Variants in SGCZ observed in about 807,000 individuals in gnomAD.
The protein encoded by SGCZ is sarcoglycan zeta.
Under a neutral mutation model 41.3 loss-of-function variants are expected in SGCZ, and 40 were observed. The observed-to-expected ratio is 0.97, with a 90% CI of 0.75 to 1.26. The LOEUF is 1.26. Among genes scored for constraint, SGCZ ranks in the 50% most tolerant of loss-of-function variants. The pLI is 0.00. For synonymous variants in SGCZ, 206 were observed against 137.5 expected, an observed-to-expected ratio of 1.50 and a Z score of -3.49; for missense variants, 552 against 369.8, an observed-to-expected ratio of 1.49 and a Z score of -4.04.
chr8:14,908,534 G>T (rs932947041), intron 1 of SGCZ, among the ~76,000 whole-genome samples: 1 of 152,038 alleles, frequency 6.6e-6, no homozygotes, highest in Admixed American at 6.6e-5. Flanking sequence ...GGAGGATCAC[G>T]AGATCAGCAG....
chr8:14,444,847 T>G (rs533035303), intron 2 of SGCZ, among the ~76,000 whole-genome samples: 1 of 152,152 alleles, frequency 6.6e-6, no homozygotes, highest in East Asian at 1.9e-4. Context: ...TGAAGCCAGC[T>G]CTTAGATCAA....
At chr8:14,546,428 T>G (rs112638331) in intron 2 of SGCZ, among the ~76,000 whole-genome samples, 2,169 of 152,326 alleles carry the variant, frequency 0.014, 30 homozygotes, top group South Asian at 0.032. Flanking sequence ...GTGCGAAGAC[T>G]AAACTGCAAT....
At chr8:15,192,590 G>A (rs1015271219) in intron 1 of SGCZ, among the ~76,000 whole-genome samples, 12 of 152,182 alleles carry the variant, frequency 7.9e-5, no homozygotes, top group South Asian at 2.1e-4. Context: ...AGCCACTAAC[G>A]ACTAATCCAA....
intron 1 of SGCZ, among the ~76,000 whole-genome samples, chr8:15,024,852 C>T (rs528167536): frequency 6.6e-6 from 1 of 152,148 alleles, no homozygotes; most frequent in Admixed American, 6.5e-5. Context: ...AGGAGAATGG[C>T]GTGAACCCCG....
intron 2 of SGCZ, among the ~76,000 whole-genome samples, chr8:14,476,623 G>A (rs1397041562): frequency 2.6e-5 from 4 of 152,194 alleles, no homozygotes; most frequent in African/African-American, 9.6e-5. Context: ...TAAGATTAAT[G>A]ATTCATTTAT....
chr8:14,814,950 A>C (rs966694890), intron 1 of SGCZ, among the ~76,000 whole-genome samples: 8 of 152,054 alleles, frequency 5.3e-5, no homozygotes, highest in Non-Finnish European at 1.2e-4. Context: ...ATAGGACATT[A>C]AAAAAAGAAA....
intron 1 of SGCZ, among the ~76,000 whole-genome samples, chr8:15,228,669 T>C (rs2117201664): frequency 6.6e-6 from 1 of 152,264 alleles, no homozygotes; most frequent in Non-Finnish European, 1.5e-5. Flanking sequence ...AGGCCAAATT[T>C]GAGAGCAATA....
At chr8:15,087,473 T>A (rs1234472107) in intron 1 of SGCZ, among the ~76,000 whole-genome samples, 2 of 152,104 alleles carry the variant, frequency 1.3e-5, no homozygotes, top group Admixed American at 6.6e-5. Context: ...CACGTTGGTT[T>A]TGGCACGTTT....
chr8:15,012,927 G>C (rs992131708), intron 1 of SGCZ, among the ~76,000 whole-genome samples: 3 of 151,406 alleles, frequency 2.0e-5, no homozygotes, highest in African/African-American at 4.9e-5. Flanking sequence ...TCATGTACTG[G>C]TGAATGATCA....
intron 4 of SGCZ, among the ~76,000 whole-genome samples, chr8:14,173,290 C>T (rs1804444925): frequency 6.6e-6 from 1 of 151,656 alleles, no homozygotes. Flanking sequence ...CCCAGATTTG[C>T]TCCATATGCT....
rs1011924319 is a variant in SGCZ at position 14,243,598 on chromosome 8, C to G, written c.337-5919G>C. On this transcript the variant is annotated intron_variant, in intron 3 of 7. Transcript: ENST00000382080. ...ACCCAATTCTACTTTTCTATCTCTA[C>G]TTCACCTCACTTCCGTCATTTAAGA... Among the ~76,000 whole-genome samples, 11 of 152,174 alleles carry G rather than the reference C, an allele frequency of 7.2e-5. No homozygotes were observed. The East Asian group carries it at 9.6e-4, about 13-fold the overall frequency.
At chr8:15,041,367 G>A (rs1255343629) in intron 1 of SGCZ, among the ~76,000 whole-genome samples, 1 of 151,694 alleles carries the variant, frequency 6.6e-6, no homozygotes, top group African/African-American at 2.4e-5. Context: ...TCATAATATA[G>A]AATGCATTTT....
At chr8:14,430,617 C>A (rs1799917523) in intron 2 of SGCZ, among the ~76,000 whole-genome samples, 1 of 152,198 alleles carries the variant, frequency 6.6e-6, no homozygotes, top group Admixed American at 6.5e-5. Flanking sequence ...TGAAAACGTT[C>A]CCTCTGAGAA....
At chr8:14,818,896 A>G (rs975005140) in intron 1 of SGCZ, among the ~76,000 whole-genome samples, 3 of 152,092 alleles carry the variant, frequency 2.0e-5, no homozygotes, top group Non-Finnish European at 2.9e-5. Context: ...AAGAAAGCCT[A>G]TGGGACTTAT....
chr8:14,670,063 C>G lies in SGCZ; in HGVS notation c.40-115137G>C, dbSNP rs371263907. ...CAGCTGTAATGATTTGTCAAAAAAT[C>G]AAATCTATCCTTAAATTCAACTCCA... On this transcript the variant is annotated intron_variant, in intron 1 of 7. Transcript: ENST00000382080. 2.0e-5 allele frequency among the ~76,000 whole-genome samples: 3 copies of G among 152,096 alleles called. No individual in the cohort carries two copies. In the East Asian group the frequency reaches 5.8e-4, roughly 29 times the overall value.
chr8:14,431,691 C>T (rs1312549425), intron 2 of SGCZ, among the ~76,000 whole-genome samples: 2 of 152,094 alleles, frequency 1.3e-5, no homozygotes, highest in Non-Finnish European at 2.9e-5. Context: ...ATAGCTGGGA[C>T]TTAATTAAAT....
chr8:14,410,206 C>G (rs372311270), intron 2 of SGCZ, among the ~76,000 whole-genome samples: 3 of 152,000 alleles, frequency 2.0e-5, no homozygotes, highest in Non-Finnish European at 4.4e-5. Context: ...ACATTTATCC[C>G]GAAACCATTT....
intron 1 of SGCZ, among the ~76,000 whole-genome samples, chr8:15,172,038 A>G (rs1201629305): frequency 6.6e-6 from 1 of 152,140 alleles, no homozygotes; most frequent in African/African-American, 2.4e-5. Flanking sequence ...AGAGATTTCT[A>G]TGTGAAAAAT....
At chr8:14,866,463 T>C (rs76354500) in intron 1 of SGCZ, among the ~76,000 whole-genome samples, 3,382 of 152,150 alleles carry the variant, frequency 0.022, 54 homozygotes, top group Non-Finnish European at 0.034. Flanking sequence ...CACATCTATG[T>C]TTGTTTATAT....
Sources: allele counts gnomAD v4.1 joint callset (sites outside exome capture counted in the v4.1 genomes callset), GRCh38; gene constraint gnomAD v4.1.1; transcripts MANE v1.5; gene names NCBI Gene and HGNC (gene_info 2026-07-23, HGNC 2026-07-21).